HPSE2: variants seen among roughly 807,000 people sequenced by gnomAD.
HPSE2 encodes the protein heparanase 2 (inactive).
HPSE2 carries 38 observed loss-of-function variants against 60.5 expected under a neutral mutation model. The ratio of observed to expected loss-of-function variants is 0.63; its 90% CI spans 0.48 to 0.82. The LOEUF is 0.82. HPSE2 is among the 40% of genes least tolerant of loss of function. HPSE2 has a pLI of 0.00. For synonymous variants in HPSE2, 295 were observed against 293.2 expected (o/e 1.01, Z -0.06); for missense variants, 713 against 740.4 (o/e 0.96, Z 0.43).
At chr10:99,102,092 A>G (rs541375610) in intron 3 of HPSE2, among the ~76,000 whole-genome samples, 5 of 152,234 alleles carry the variant, frequency 3.3e-5, no homozygotes, top group Non-Finnish European at 5.9e-5. Context: ...AAGAGCAAAC[A>G]CATTCAAAAG....
At chr10:98,688,650 T>A (rs1009320974) in intron 6 of HPSE2, among the ~76,000 whole-genome samples, 5 of 150,954 alleles carry the variant, frequency 3.3e-5, no homozygotes, top group African/African-American at 4.9e-5. Flanking sequence ...GATATTTGGA[T>A]TTTTTAGTAG....
intron 11 of HPSE2, among the ~76,000 whole-genome samples, chr10:98,473,532 G>GAGAAAGAA (rs148499328): frequency 0.035 from 4,929 of 139,502 alleles, 188 homozygotes; most frequent in East Asian, 0.17. Flanking sequence ...AAGAGAGAGA[G>GAGAAAGAA]AGAAAGAAAG....
chr10:99,144,086 T>C, intron 3 of HPSE2, 152 bp downstream of exon 3: 1 of 792,876 alleles, frequency 1.3e-6, no homozygotes, highest in Non-Finnish European at 2.0e-6. Flanking sequence ...AACCAAAATA[T>C]ATCTGCAAAC....
chr10:98,569,479 AAT>A (rs1944437855), intron 9 of HPSE2, among the ~76,000 whole-genome samples: 1 of 152,206 alleles, frequency 6.6e-6, no homozygotes, highest in Admixed American at 6.5e-5. Context: ...ATTTAACAAA[AAT>A]ATAGAGTTAT....
chr10:99,267,067 T>C, the HPSE2 span, among the ~76,000 whole-genome samples: 1 of 151,982 alleles, frequency 6.6e-6, no homozygotes, highest in African/African-American at 2.4e-5. Context: ...AGAATAACAA[T>C]TCTGGTAATA....
intron 3 of HPSE2, among the ~76,000 whole-genome samples, chr10:98,862,696 G>C (rs988969497): frequency 1.3e-5 from 2 of 152,128 alleles, no homozygotes; most frequent in African/African-American, 4.8e-5. Flanking sequence ...AGTAGAGTAG[G>C]CAAGAGACAA....
chr10:98,518,009 G>A (rs1942659177), intron 9 of HPSE2, among the ~76,000 whole-genome samples: 1 of 152,206 alleles, frequency 6.6e-6, no homozygotes, highest in Non-Finnish European at 1.5e-5. Flanking sequence ...CCCTCCCAGT[G>A]TCTAGTACCC....
At chr10:99,300,731 T>C in the HPSE2 span, among the ~76,000 whole-genome samples, 1 of 152,196 alleles carries the variant, frequency 6.6e-6, no homozygotes. Context: ...CGTCACATAT[T>C]GTTTCTCAAG....
chr10:99,030,796 C>T (rs531804419), intron 3 of HPSE2, among the ~76,000 whole-genome samples: 162 of 152,270 alleles, frequency 1.1e-3, no homozygotes, highest in Admixed American at 2.4e-3. Context: ...GAGTACCATT[C>T]AGCTATAAAA....
chr10:98,550,092 T>G (rs1485386811), intron 9 of HPSE2, among the ~76,000 whole-genome samples: 1 of 152,260 alleles, frequency 6.6e-6, no homozygotes, highest in African/African-American at 2.4e-5. Context: ...TTGATTGACT[T>G]ACTCCTGTTG....
At chr10:99,296,470 A>G in the HPSE2 span, among the ~76,000 whole-genome samples, 1 of 152,204 alleles carries the variant, frequency 6.6e-6, no homozygotes, top group Non-Finnish European at 1.5e-5. Flanking sequence ...CTTAATCTAC[A>G]TGCAATTAAA....
chr10:99,142,295 T>G (rs1845892059), intron 3 of HPSE2, among the ~76,000 whole-genome samples: 1 of 152,210 alleles, frequency 6.6e-6, no homozygotes, highest in South Asian at 2.1e-4. Flanking sequence ...GAGACCATGT[T>G]CTCAAGATTT....
intron 7 of HPSE2, among the ~76,000 whole-genome samples, chr10:98,638,493 G>A (rs182969718): frequency 3.4e-4 from 52 of 152,238 alleles, no homozygotes; most frequent in African/African-American, 1.2e-3. Flanking sequence ...GCCCATCTCT[G>A]AAATGGTTTG....
At chr10:98,666,510 C>G (rs1207134034) in intron 6 of HPSE2, among the ~76,000 whole-genome samples, 1 of 152,130 alleles carries the variant, frequency 6.6e-6, no homozygotes, top group African/African-American at 2.4e-5. Flanking sequence ...GGAACATATT[C>G]TAAGATTGAC....
chr10:99,160,959 T>C (rs1480477223), intron 2 of HPSE2, among the ~76,000 whole-genome samples: 1 of 148,600 alleles, frequency 6.7e-6, no homozygotes, highest in Non-Finnish European at 1.5e-5. Flanking sequence ...CTCATGCTTA[T>C]AATCCTATCA....
intron 3 of HPSE2, among the ~76,000 whole-genome samples, chr10:98,791,493 G>T (rs1950653897): frequency 6.6e-6 from 1 of 152,090 alleles, no homozygotes; most frequent in African/African-American, 2.4e-5. Flanking sequence ...AAAATAGGTG[G>T]ACTTTTTCCT....
At chr10:99,262,495 T>C in the HPSE2 span, among the ~76,000 whole-genome samples, 1,341 of 152,132 alleles carry the variant, frequency 8.8e-3, 14 homozygotes, top group African/African-American at 0.031. Flanking sequence ...ATGAGACACC[T>C]TCACTCCCTC....
chr10:98,727,681 A>AC (rs945731733), intron 4 of HPSE2, among the ~76,000 whole-genome samples: 11 of 151,790 alleles, frequency 7.2e-5, no homozygotes, highest in South Asian at 4.2e-4. Flanking sequence ...AACAACAACA[A>AC]AAAAAAACAA....
intron 3 of HPSE2, among the ~76,000 whole-genome samples, chr10:99,139,206 T>C (rs1845774757): frequency 6.6e-6 from 1 of 152,138 alleles, no homozygotes; most frequent in Non-Finnish European, 1.5e-5. Context: ...ATAATGTATA[T>C]TCTCACTTAT....
Sources: gnomAD v4.1 joint callset for allele counts (sites outside exome capture counted in the v4.1 genomes callset) on GRCh38, gnomAD v4.1.1 for gene constraint, MANE v1.5 for transcripts, NCBI Gene and HGNC (gene_info 2026-07-23, HGNC 2026-07-21) for gene names.